Variants in MLLT1 observed in about 807,000 individuals in gnomAD.
The protein encoded by MLLT1 is MLLT1 super elongation complex subunit.
In MLLT1, 11 loss-of-function variants were observed where a neutral mutation model predicts 55.1. The observed-to-expected ratio is 0.20, with a 90% CI of 0.13 to 0.33. The LOEUF (loss-of-function observed/expected upper bound fraction) is 0.33. Among genes scored for constraint, MLLT1 ranks in the 10% least tolerant of loss-of-function variants. The pLI, the probability that MLLT1 is intolerant of heterozygous loss-of-function variation, is 1.00. For synonymous variants in MLLT1, 323 were observed against 320.1 expected (o/e 1.01, Z -0.10); for missense variants, 536 against 760.6 (o/e 0.70, Z 3.47).
At chr19:6,254,961 A>G (rs2091246420) in intron 3 of MLLT1, among the ~76,000 whole-genome samples, 1 of 134,814 alleles carries the variant, frequency 7.4e-6, no homozygotes, top group Non-Finnish European at 1.5e-5. Context: ...AGCCACACAC[A>G]AAAAAAAAAA....
chr19:6,241,574 C>T (rs1450692810), intron 3 of MLLT1, among the ~76,000 whole-genome samples: 3 of 152,262 alleles, frequency 2.0e-5, no homozygotes, highest in Admixed American at 6.5e-5. Flanking sequence ...GCCTCTGGGC[C>T]GTCCCACCGT....
Position 6,227,567 on chromosome 19 carries a change from G to A in MLLT1, c.421-465C>T, listed in dbSNP as rs2090967392. ...CAACTCCAGTGGGTCCCACGTGCCCGGAGAATGAGCCGTCCTTGGTGTGCG... is the reference window on the plus strand; with the variant it reads ...CAACTCCAGTGGGTCCCACGTGCCCAGAGAATGAGCCGTCCTTGGTGTGCG... On this transcript the variant is annotated intron_variant, in intron 4 of 11. Transcript: ENST00000252674. The surrounding 1 kb of genome is among the most constrained non-coding windows in gnomAD (Gnocchi z 5.1). 6.6e-6 allele frequency among the ~76,000 whole-genome samples: 1 copy of A among 152,252 alleles called. No homozygotes were observed. The highest frequency in any genetic ancestry group is 2.4e-5 in the African/African-American group (1 of 41,468).
intron 3 of MLLT1, among the ~76,000 whole-genome samples, chr19:6,245,254 TTTC>T (rs754138803): frequency 5.1e-4 from 74 of 143,702 alleles, no homozygotes; most frequent in Admixed American, 6.9e-4. Flanking sequence ...CCTTTCTTTC[TTTC>T]TTTTTTTTTT....
At chr19:6,239,803 C>T (rs2091098834) in intron 3 of MLLT1, among the ~76,000 whole-genome samples, 1 of 152,184 alleles carries the variant, frequency 6.6e-6, no homozygotes, top group East Asian at 1.9e-4. Flanking sequence ...CACATACACA[C>T]TCACATGCAC....
Position 6,212,567 on chromosome 19 carries a change from G to GACGA in MLLT1, c.*471_*474dup. ...GAGCCGGCGCTAGGTCTACACGGAG[G>GACGA]ACGACGCAGACACACAGGCAGGGCC... On this transcript the variant is annotated 3_prime_UTR_variant, in exon 12 of 12. Transcript: ENST00000252674. 9.2e-7 allele frequency: 1 copy of GACGA among 1,088,160 alleles called. No homozygotes were observed. Among genetic ancestry groups the GACGA allele is most frequent in the East Asian group, 4.9e-5 (1 of 20,522 alleles). 67.4% of individuals were successfully genotyped at this position (1,088,160 alleles called of 1,614,324 possible). A position where few individuals can be genotyped will look rare whatever the true frequency, so the allele number is the denominator to read the frequency against.
At chr19:6,247,129 G>A (rs1230921684) in intron 3 of MLLT1, among the ~76,000 whole-genome samples, 1 of 152,160 alleles carries the variant, frequency 6.6e-6, no homozygotes. Flanking sequence ...GGCAGCCTCA[G>A]AGGAACGTAC....
At chr19:6,261,552 C>T (rs955883282) in intron 3 of MLLT1, among the ~76,000 whole-genome samples, 12 of 151,840 alleles carry the variant, frequency 7.9e-5, no homozygotes, top group South Asian at 4.1e-4. Context: ...CATGGACAAG[C>T]CACAAGCCAG....
At chr19:6,243,089 G>A (rs2091130989) in intron 3 of MLLT1, among the ~76,000 whole-genome samples, 1 of 152,232 alleles carries the variant, frequency 6.6e-6, no homozygotes, top group African/African-American at 2.4e-5. Flanking sequence ...CTTGGCTAAT[G>A]CCTCAAAACA....
intron 1 of MLLT1, among the ~76,000 whole-genome samples, chr19:6,278,260 T>C (rs1006509358): frequency 6.6e-6 from 1 of 151,970 alleles, no homozygotes; most frequent in African/African-American, 2.4e-5. Flanking sequence ...AATGATCCCA[T>C]GTTGGGGGCC....
chr19:6,228,861 G>A lies in MLLT1; in HGVS notation c.420+1709C>T, dbSNP rs190863291. On this transcript the variant is annotated intron_variant, in intron 4 of 11. Coordinates refer to ENST00000252674, the MANE Select transcript of MLLT1 (RefSeq NM_005934.4). ...CCACCCTCAGAGGGCAGAGCGCCCA[G>A]CGCCTGGGGCAGAGACCCCCCACGG... is the stretch of plus-strand genomic sequence containing the variant. Among the ~76,000 whole-genome samples, 30 of 152,220 alleles carry A rather than the reference G, an allele frequency of 2.0e-4. No individual in the cohort carries two copies. The East Asian group carries it at 5.6e-3, about 29-fold the overall frequency.
intron 1 of MLLT1, among the ~76,000 whole-genome samples, chr19:6,272,016 C>T (rs965894420): frequency 6.6e-6 from 1 of 152,242 alleles, no homozygotes; most frequent in Non-Finnish European, 1.5e-5. Flanking sequence ...CCTCCCTCTC[C>T]GTCCCCCTCT....
chr19:6,220,094 G>A (rs776320549), intron 6 of MLLT1, among the ~76,000 whole-genome samples: 3 of 152,232 alleles, frequency 2.0e-5, no homozygotes, highest in Non-Finnish European at 4.4e-5. Flanking sequence ...AGCTCGGCTC[G>A]GGGACTCGGC....
intron 2 of MLLT1, among the ~76,000 whole-genome samples, chr19:6,266,699 C>T (rs546673936): frequency 5.3e-5 from 8 of 152,232 alleles, no homozygotes; most frequent in African/African-American, 7.2e-5. Context: ...TCAGGTGATC[C>T]GCCTGCCTCA....
rs928827048 is a variant in MLLT1, at chr19:6,265,038, C to CAAAAA, written c.194-2733_194-2729dup. On this transcript the variant is annotated intron_variant, in intron 2 of 11. Coordinates refer to ENST00000252674, the MANE Select transcript of MLLT1 (RefSeq NM_005934.4). Reference sequence around the variant, plus strand: ...AAATGTCACAAAACATAGTGAACAGCAAAAAAAAAACAAAAAAACAAAAAA... The same window carrying CAAAAA: ...AAATGTCACAAAACATAGTGAACAGCAAAAAAAAAAAAAAACAAAAAAACAAAAAA... 3.8e-3 allele frequency among the ~76,000 whole-genome samples: 80 copies of CAAAAA among 21,164 alleles called. 1 individual carries two copies. Among genetic ancestry groups the CAAAAA allele is most frequent in the Non-Finnish European group, 6.8e-3 (63 of 9,304 alleles). 13.9% of individuals were successfully genotyped at this position (21,164 alleles called of 152,430 possible). A position where few individuals can be genotyped will look rare whatever the true frequency, so the allele number is the denominator to read the frequency against.
At chr19:6,221,814 G>A (rs1328529168) in intron 6 of MLLT1, among the ~76,000 whole-genome samples, 1 of 152,272 alleles carries the variant, frequency 6.6e-6, no homozygotes, top group African/African-American at 2.4e-5. Flanking sequence ...GCCCATGCAG[G>A]GGGCTGCTGG....
intron 5 of MLLT1, among the ~76,000 whole-genome samples, chr19:6,224,930 C>T (rs926537525): frequency 6.6e-6 from 1 of 152,138 alleles, no homozygotes; most frequent in African/African-American, 2.4e-5. Context: ...GGGGTTTCAC[C>T]GTGTTAGCCA....
intron 3 of MLLT1, among the ~76,000 whole-genome samples, chr19:6,233,931 C>G (rs551296482): frequency 8.2e-4 from 125 of 152,342 alleles, no homozygotes; most frequent in Non-Finnish European, 1.0e-3. Context: ...AACTGGGAAC[C>G]TGGGGCTGTG....
chr19:6,236,498 T>C (rs949204977), intron 3 of MLLT1, among the ~76,000 whole-genome samples: 3 of 152,110 alleles, frequency 2.0e-5, no homozygotes, highest in Non-Finnish European at 2.9e-5. Context: ...AGACCCGGCA[T>C]GTTCACAACT....
rs2090995331 is a variant in MLLT1, at chr19:6,230,164, C to A, written c.420+406G>T. ...CTCCTGGAGAGCCCTGGTCCCAGAGCTGGCACTGTCGTCTGGCCTCCCGAA... is the reference window on the plus strand; with the variant it reads ...CTCCTGGAGAGCCCTGGTCCCAGAGATGGCACTGTCGTCTGGCCTCCCGAA... On this transcript the variant is annotated intron_variant, in intron 4 of 11. Transcript: ENST00000252674. The surrounding 1 kb of genome is among the most constrained non-coding windows in gnomAD (Gnocchi z 9.0). Among the ~76,000 whole-genome samples, 1 of 152,186 alleles carries A rather than the reference C, an allele frequency of 6.6e-6. No homozygotes were observed. Among genetic ancestry groups the A allele is most frequent in the South Asian group, 2.1e-4 (1 of 4,832 alleles).
Sources: allele counts gnomAD v4.1 joint callset (sites outside exome capture counted in the v4.1 genomes callset), GRCh38; gene constraint gnomAD v4.1.1; non-coding constraint Gnocchi (gnomAD v3.1); transcripts MANE v1.5; gene names NCBI Gene and HGNC (gene_info 2026-07-23, HGNC 2026-07-21).